Variants in MYRIP observed in about 807,000 individuals in gnomAD.
MYRIP encodes the protein rab effector MyRIP.
MYRIP carries 49 observed loss-of-function variants against 98.0 expected under a neutral mutation model. The observed-to-expected ratio is 0.50, with a 90% CI of 0.40 to 0.63. MYRIP has a LOEUF of 0.63. MYRIP is among the 30% of genes least tolerant of loss of function. The probability of loss-of-function intolerance (pLI) is 0.00; values close to 1 mark genes in which losing one functional copy is unlikely to be tolerated. For synonymous variants in MYRIP, 404 were observed against 409.5 expected (o/e 0.99, Z 0.16); for missense variants, 1,004 against 1,058.2 (o/e 0.95, Z 0.71).
At chr3:40,033,268 G>A (rs1325367078) in intron 2 of MYRIP, among the ~76,000 whole-genome samples, 2 of 150,024 alleles carry the variant, frequency 1.3e-5, no homozygotes, top group South Asian at 2.1e-4. Context: ...TAGGAAAAGA[G>A]GAAGTCAAAT....
At chr3:40,227,408 C>T (rs1231403477) in intron 11 of MYRIP, among the ~76,000 whole-genome samples, 1 of 151,894 alleles carries the variant, frequency 6.6e-6, no homozygotes, top group African/African-American at 2.4e-5. Flanking sequence ...CTCTCTCTCC[C>T]TCTATGTGTG....
intron 4 of MYRIP, among the ~76,000 whole-genome samples, chr3:40,161,736 A>G (rs1458314791): frequency 6.6e-6 from 1 of 152,104 alleles, no homozygotes; most frequent in Admixed American, 6.5e-5. Context: ...TTAAAAAGTG[A>G]GCTGCATTCA....
At chr3:39,981,380 T>C (rs1333720019) in intron 2 of MYRIP, among the ~76,000 whole-genome samples, 2 of 152,226 alleles carry the variant, frequency 1.3e-5, no homozygotes, top group African/African-American at 4.8e-5. Context: ...GTCTGGGCTC[T>C]TTTTACAATT....
chr3:40,055,867 C>T (rs76224632), intron 3 of MYRIP, among the ~76,000 whole-genome samples: 3,986 of 152,204 alleles, frequency 0.026, 170 homozygotes, highest in African/African-American at 0.088. Flanking sequence ...AATTTTAACA[C>T]GAGCTGGAGG....
chr3:39,826,953 T>C (rs1941285871), intron 1 of MYRIP, among the ~76,000 whole-genome samples: 1 of 152,298 alleles, frequency 6.6e-6, no homozygotes, highest in Admixed American at 6.5e-5. Flanking sequence ...TATCAGGCAA[T>C]ATATAGAAGT....
intron 2 of MYRIP, among the ~76,000 whole-genome samples, chr3:40,012,922 A>G (rs564243070): frequency 4.0e-5 from 6 of 151,836 alleles, no homozygotes; most frequent in Middle Eastern, 3.4e-3. Flanking sequence ...TCTCTCCCCT[A>G]TTGGTTCAGT....
chr3:40,000,531 A>G (rs1284406017), intron 2 of MYRIP, among the ~76,000 whole-genome samples: 1 of 152,226 alleles, frequency 6.6e-6, no homozygotes, highest in Non-Finnish European at 1.5e-5. Context: ...AAATAACTGT[A>G]CATCTCTTGA....
intron 7 of MYRIP, among the ~76,000 whole-genome samples, chr3:40,168,358 T>C (rs1316264082): frequency 3.9e-5 from 6 of 152,208 alleles, no homozygotes; most frequent in Non-Finnish European, 1.5e-5. Context: ...TAATATATCA[T>C]AGCTTAGCCT....
intron 13 of MYRIP, among the ~76,000 whole-genome samples, chr3:40,247,499 C>A (rs1339059682): frequency 6.6e-6 from 1 of 152,052 alleles, no homozygotes; most frequent in African/African-American, 2.4e-5. Context: ...GGATTTTAAT[C>A]CAAATTTCGT....
intron 11 of MYRIP, among the ~76,000 whole-genome samples, chr3:40,210,533 C>G (rs935623624): frequency 6.6e-6 from 1 of 152,154 alleles, no homozygotes; most frequent in African/African-American, 2.4e-5. Context: ...TGCTATGGAG[C>G]CTCTGTGTTC....
intron 2 of MYRIP, among the ~76,000 whole-genome samples, chr3:39,941,565 T>C (rs1475454975): frequency 6.6e-6 from 1 of 151,732 alleles, no homozygotes; most frequent in Non-Finnish European, 1.5e-5. Flanking sequence ...TTTAAGCAAA[T>C]TGGCATTCTA....
rs185486389 is a variant in MYRIP, at chr3:40,036,022, A to G, written c.111-8028A>G. On this transcript the variant is annotated intron_variant, in intron 2 of 16. Coordinates refer to ENST00000302541, the MANE Select transcript of MYRIP (RefSeq NM_015460.4). ...AGATTAGGAGACATGGAAGAACAGA[A>G]AAGCTTTGAGATATAATTGGAATTC... 1.6e-3 allele frequency among the ~76,000 whole-genome samples: 236 copies of G among 152,074 alleles called. 3 individuals are homozygous for G. Among genetic ancestry groups the G allele is most frequent in the African/African-American group, 5.6e-3 (231 of 41,548 alleles).
chr3:40,102,183 T>G (rs1948957818), intron 3 of MYRIP, among the ~76,000 whole-genome samples: 1 of 152,112 alleles, frequency 6.6e-6, no homozygotes, highest in African/African-American at 2.4e-5. Flanking sequence ...GGTCTCAGAG[T>G]CCCTCTATGC....
intron 2 of MYRIP, among the ~76,000 whole-genome samples, chr3:39,928,906 A>C (rs1156786884): frequency 6.6e-6 from 1 of 151,982 alleles, no homozygotes; most frequent in African/African-American, 2.4e-5. Context: ...TATTTGCAGA[A>C]GTCATGATAG....
chr3:39,820,286 G>A (rs9829556), intron 1 of MYRIP, among the ~76,000 whole-genome samples: 30,018 of 152,180 alleles, frequency 0.2, 3,083 homozygotes, highest in South Asian at 0.29. Context: ...ATCTCAAAGT[G>A]TGTTGGGTCA....
chr3:39,989,299 C>T (rs1946112032), intron 2 of MYRIP, among the ~76,000 whole-genome samples: 1 of 152,094 alleles, frequency 6.6e-6, no homozygotes, highest in African/African-American at 2.4e-5. Flanking sequence ...TGTAGGGCTG[C>T]TGTGGTTTGC....
intron 3 of MYRIP, among the ~76,000 whole-genome samples, chr3:40,125,370 G>A (rs1360171820): frequency 6.6e-6 from 1 of 152,208 alleles, no homozygotes; most frequent in Admixed American, 6.5e-5. Context: ...AGGGTGGGAA[G>A]CATCCAGCAC....
chr3:39,984,236 A>ATTTT (rs1171816433), intron 2 of MYRIP, among the ~76,000 whole-genome samples: 1 of 92,712 alleles, frequency 1.1e-5, no homozygotes, highest in African/African-American at 4.5e-5. Context: ...TATTTTATTT[A>ATTTT]TTGTTATACT....
chr3:40,007,397 G>A (rs960069359), intron 2 of MYRIP, among the ~76,000 whole-genome samples: 34 of 151,936 alleles, frequency 2.2e-4, no homozygotes, highest in African/African-American at 8.2e-4. Context: ...GATCCAATGA[G>A]GAAGTTATGG....
Sources: gnomAD v4.1 joint callset for allele counts (sites outside exome capture counted in the v4.1 genomes callset) on GRCh38, gnomAD v4.1.1 for gene constraint, MANE v1.5 for transcripts, NCBI Gene and HGNC (gene_info 2026-07-23, HGNC 2026-07-21) for gene names.